Variants in FRY observed in about 807,000 individuals in gnomAD.
FRY encodes the protein protein furry homolog.
In FRY, 128 loss-of-function variants were observed where a neutral mutation model predicts 348.4. The ratio of observed to expected loss-of-function variants is 0.37; its 90% confidence interval spans 0.32 to 0.43. The LOEUF is 0.43. Ranked by LOEUF, FRY falls within the 20% of genes least tolerant of loss-of-function variation. The pLI is 1.00. For missense variants in FRY, 2,736 were observed against 3,695.2 expected (o/e 0.74, Z 6.73); for synonymous variants, 1,370 against 1,374.7 (o/e 1.00, Z 0.08).
At chr13:32,266,939 A>T (rs1423034785) in intron 54 of FRY, among the ~76,000 whole-genome samples, 1 of 152,120 alleles carries the variant, frequency 6.6e-6, no homozygotes, top group Non-Finnish European at 1.5e-5. Context: ...AGCCGAGATC[A>T]TGCCACTGCA....
chr13:32,069,685 T>A (rs569746742), intron 1 of FRY, among the ~76,000 whole-genome samples: 4 of 152,308 alleles, frequency 2.6e-5, no homozygotes, highest in Non-Finnish European at 4.4e-5. Flanking sequence ...AGTAAACCAG[T>A]CACACAAGGA....
At chr13:32,288,331 G>A (rs1566197762) in intron 58 of FRY, among the ~76,000 whole-genome samples, 1 of 152,172 alleles carries the variant, frequency 6.6e-6, no homozygotes, top group Non-Finnish European at 1.5e-5. Flanking sequence ...CAAACATCCA[G>A]TTTGAGTTAA....
At chr13:32,047,386 A>AT (rs1566043504) in intron 1 of FRY, among the ~76,000 whole-genome samples, 1 of 152,162 alleles carries the variant, frequency 6.6e-6, no homozygotes, top group Non-Finnish European at 1.5e-5. Flanking sequence ...TAGAGAGGAT[A>AT]TTTTGGTAGC....
chr13:32,201,092 C>T (rs975266576), intron 29 of FRY, among the ~76,000 whole-genome samples: 6 of 152,214 alleles, frequency 3.9e-5, no homozygotes, highest in Non-Finnish European at 8.8e-5. Context: ...TCTGAACCCA[C>T]CTACTGGCCT....
chr13:32,169,030 T>C (rs1420640317), intron 17 of FRY, among the ~76,000 whole-genome samples: 1 of 152,208 alleles, frequency 6.6e-6, no homozygotes, highest in Non-Finnish European at 1.5e-5. Context: ...CAATGTTGTC[T>C]TGTATTTGTT....
intron 43 of FRY, among the ~76,000 whole-genome samples, chr13:32,236,690 A>G (rs115748433): frequency 6.6e-6 from 1 of 152,008 alleles, no homozygotes; most frequent in African/African-American, 2.4e-5. Flanking sequence ...TCACGACTCT[A>G]TATTCTGTTT....
chr13:32,071,949 T>A (rs868770277), intron 1 of FRY, among the ~76,000 whole-genome samples: 1 of 152,148 alleles, frequency 6.6e-6, no homozygotes, highest in African/African-American at 2.4e-5. Flanking sequence ...CAGGGCGATA[T>A]GGGAAGCTCA....
chr13:32,088,570 T>G (rs1354700057), intron 2 of FRY, among the ~76,000 whole-genome samples: 1 of 152,232 alleles, frequency 6.6e-6, no homozygotes, highest in Non-Finnish European at 1.5e-5. Flanking sequence ...TTTGTTTTCT[T>G]TATCATGAGT....
At chr13:32,273,614 C>CA (rs1280299025) in intron 55 of FRY, among the ~76,000 whole-genome samples, 1 of 152,196 alleles carries the variant, frequency 6.6e-6, no homozygotes, top group Non-Finnish European at 1.5e-5. Flanking sequence ...TCAGTTGAGA[C>CA]ACCTGACCAG....
chr13:32,262,732 C>G (rs537591997), intron 53 of FRY, among the ~76,000 whole-genome samples: 1 of 152,188 alleles, frequency 6.6e-6, no homozygotes, highest in Non-Finnish European at 1.5e-5. Flanking sequence ...AGACATTTTG[C>G]ATGAACACTG....
At chr13:32,236,765 T>C (rs1886249451) in intron 43 of FRY, among the ~76,000 whole-genome samples, 1 of 152,170 alleles carries the variant, frequency 6.6e-6, no homozygotes, top group African/African-American at 2.4e-5. Context: ...GATTGGGCCT[T>C]GTTTTATTTT....
intron 13 of FRY, 142 bp downstream of exon 13, chr13:32,148,089 A>T: frequency 1.5e-6 from 1 of 672,356 alleles, no homozygotes; most frequent in East Asian, 2.7e-5. Flanking sequence ...AAGTGTTTTC[A>T]CACACAGCCT....
chr13:32,032,940 A>G (rs1024004087), intron 1 of FRY, among the ~76,000 whole-genome samples: 9 of 152,234 alleles, frequency 5.9e-5, no homozygotes, highest in African/African-American at 2.2e-4. Flanking sequence ...TTGTTCTTAT[A>G]TAAACAAAAC....
chr13:32,211,255 C>G (rs1443656822), intron 34 of FRY, among the ~76,000 whole-genome samples: 1 of 152,170 alleles, frequency 6.6e-6, no homozygotes, highest in African/African-American at 2.4e-5. Context: ...GTCAGGAGTT[C>G]AAGACCAGCC....
intron 58 of FRY, among the ~76,000 whole-genome samples, chr13:32,283,903 C>T (rs903274980): frequency 1.3e-5 from 2 of 152,186 alleles, no homozygotes; most frequent in Non-Finnish European, 2.9e-5. Context: ...TTTTGGTTTC[C>T]ACCAACCTCT....
At chr13:32,068,137 G>T (rs1255200812) in intron 1 of FRY, among the ~76,000 whole-genome samples, 4 of 152,082 alleles carry the variant, frequency 2.6e-5, no homozygotes, top group African/African-American at 7.2e-5. Flanking sequence ...GTCAGCAGAT[G>T]TTTTTTTGAA....
At position 32,296,554 on chromosome 13, in the gene FRY, C is replaced by T. The variant is rs2072065787; in HGVS notation, c.*1094C>T. ...ATGTAACTTATTCACTCTGTAAATA[C>T]ATTTAAAGTTTTTGTGATGTAAGCT... On this transcript the variant is annotated 3_prime_UTR_variant, in exon 61 of 61. Transcript: ENST00000542859. The T allele has an allele frequency of 1.3e-5, 2 of 149,638 alleles. No homozygotes were observed. The highest frequency in any genetic ancestry group is 1.3e-4 in the Admixed American group (2 of 14,964). 9.3% of individuals were successfully genotyped at this position (149,638 alleles called of 1,614,324 possible).
chr13:32,185,167 A>G lies in FRY; in HGVS notation c.3319+19A>G. 2.5e-6 allele frequency: 4 copies of G among 1,609,522 alleles called. No homozygotes were observed. Among genetic ancestry groups the G allele is most frequent in the Non-Finnish European group, 2.6e-6 (3 of 1,175,962 alleles). On this transcript the variant is annotated intron_variant, in intron 26 of 60. Transcript: ENST00000542859. ...GTTCCAGGTACGGTGATCCGTTACAAGAAATTACCATTCATGCTTGGAAGC... is the reference window on the plus strand; with the variant it reads ...GTTCCAGGTACGGTGATCCGTTACAGGAAATTACCATTCATGCTTGGAAGC...
chr13:32,099,455 G>A (rs1877006199), intron 2 of FRY, among the ~76,000 whole-genome samples: 1 of 151,612 alleles, frequency 6.6e-6, no homozygotes, highest in African/African-American at 2.4e-5. Flanking sequence ...TTTGGAAAGG[G>A]TGAATTAGCA....
Sources: gnomAD v4.1 joint callset for allele counts (sites outside exome capture counted in the v4.1 genomes callset) on GRCh38, gnomAD v4.1.1 for gene constraint, MANE v1.5 for transcripts, NCBI Gene and HGNC (gene_info 2026-07-23, HGNC 2026-07-21) for gene names.